Variants in DISC1 observed in about 807,000 individuals in gnomAD.
The protein encoded by DISC1 is disrupted in schizophrenia 1 protein.
In DISC1, 57 loss-of-function variants were observed where a neutral mutation model predicts 84.5. The ratio of observed to expected loss-of-function variants is 0.67; its 90% confidence interval spans 0.55 to 0.84. The LOEUF is 0.84. Ranked by LOEUF, DISC1 falls within the 40% of genes least tolerant of loss-of-function variation. The pLI, the probability that DISC1 is intolerant of heterozygous loss-of-function variation, is 0.00. For missense variants in DISC1, 1,000 were observed against 1,057.8 expected (o/e 0.95, Z 0.76); for synonymous variants, 411 against 415.2 (o/e 0.99, Z 0.12).
chr1:231,932,972 C>T (rs1295934167), intron 9 of DISC1, among the ~76,000 whole-genome samples: 1 of 152,132 alleles, frequency 6.6e-6, no homozygotes, highest in African/African-American at 2.4e-5. Flanking sequence ...ATAAAAACAT[C>T]CAATGTAATC....
At chr1:231,859,915 G>A (rs1342442630) in intron 9 of DISC1, among the ~76,000 whole-genome samples, 2 of 152,164 alleles carry the variant, frequency 1.3e-5, no homozygotes, top group African/African-American at 4.8e-5. Context: ...TCCATGTATT[G>A]TTCCAGCAGT....
intron 3 of DISC1, among the ~76,000 whole-genome samples, chr1:231,749,156 A>G (rs2074328761): frequency 6.6e-6 from 1 of 151,942 alleles, no homozygotes; most frequent in South Asian, 2.1e-4. Flanking sequence ...TCACTCCCCC[A>G]CCGTACTCCA....
chr1:231,899,612 T>C (rs1187719475), intron 9 of DISC1, among the ~76,000 whole-genome samples: 1 of 152,194 alleles, frequency 6.6e-6, no homozygotes, highest in Non-Finnish European at 1.5e-5. Context: ...CCCTTCCCGA[T>C]CAAAGCCTGA....
intron 10 of DISC1, among the ~76,000 whole-genome samples, chr1:231,983,196 C>T (rs1663864951): frequency 1.3e-5 from 2 of 151,982 alleles, no homozygotes; most frequent in African/African-American, 4.8e-5. Context: ...CTTCATCACC[C>T]TCCATGATGC....
At position 231,826,279 on chromosome 1, in the gene DISC1, T is replaced by C. The variant is rs1244432620; in HGVS notation, c.1981+7762T>C. On this transcript the variant is annotated intron_variant, in intron 9 of 12. Coordinates refer to ENST00000439617, the MANE Select transcript of DISC1 (RefSeq NM_018662.3). This position sits in a 1 kb window ranked among gnomAD's most constrained non-coding sequence, Gnocchi z 4.2. ...CCATTTTACCTTTGACGTTGCTTTATGTTCTTTATGAATTTGATTCCTAAC... is the reference window on the plus strand; with the variant it reads ...CCATTTTACCTTTGACGTTGCTTTACGTTCTTTATGAATTTGATTCCTAAC... Among the ~76,000 whole-genome samples, 1 of 152,248 alleles carries C rather than the reference T, an allele frequency of 6.6e-6. No individual in the cohort carries two copies. Among genetic ancestry groups the C allele is most frequent in the Non-Finnish European group, 1.5e-5 (1 of 68,054 alleles).
chr1:231,882,782 A>G (rs1375592108), intron 9 of DISC1, among the ~76,000 whole-genome samples: 1 of 152,094 alleles, frequency 6.6e-6, no homozygotes, highest in Non-Finnish European at 1.5e-5. Context: ...AGCTAGGGCA[A>G]AAGTTTCCTT....
At chr1:231,953,006 A>G (rs1432388698) in intron 9 of DISC1, among the ~76,000 whole-genome samples, 3 of 152,150 alleles carry the variant, frequency 2.0e-5, no homozygotes, top group Non-Finnish European at 4.4e-5. Context: ...TTTTGTAACA[A>G]TGAGCTCTGG....
intron 9 of DISC1, among the ~76,000 whole-genome samples, chr1:231,821,367 T>C (rs913132391): frequency 9.9e-5 from 15 of 152,120 alleles, no homozygotes; most frequent in African/African-American, 3.6e-4. Flanking sequence ...AATACGGTGA[T>C]AGAAAAGGAA....
intron 9 of DISC1, among the ~76,000 whole-genome samples, chr1:231,934,313 T>A (rs2090852174): frequency 1.3e-5 from 2 of 152,176 alleles, no homozygotes; most frequent in South Asian, 4.1e-4. Context: ...CTTTACAATG[T>A]GTGGAAGTCT....
At chr1:231,701,046 A>G (rs2066355047) in intron 2 of DISC1, among the ~76,000 whole-genome samples, 1 of 152,174 alleles carries the variant, frequency 6.6e-6, no homozygotes, top group African/African-American at 2.4e-5. Context: ...GACGTACCCA[A>G]GTCTGGGTAA....
chr1:231,817,903 CAG>C lies in DISC1; in HGVS notation c.1793-425_1793-424del, dbSNP rs748966521. On this transcript the variant is annotated intron_variant, in intron 8 of 12. Coordinates refer to ENST00000439617, the MANE Select transcript of DISC1 (RefSeq NM_018662.3). ...GCTCCAGGTCACACAGTTTGAGTAA[CAG>C]GGGAGGAATTTAATTTAGGTCAACT... Among the ~76,000 whole-genome samples the C allele has an allele frequency of 3.9e-5, 6 of 152,154 alleles. No individual in the cohort carries two copies. In the South Asian group the frequency reaches 6.2e-4, roughly 16 times the overall value.
chr1:231,775,082 G>A (rs1204555591), intron 6 of DISC1, among the ~76,000 whole-genome samples: 1 of 152,176 alleles, frequency 6.6e-6, no homozygotes, highest in Non-Finnish European at 1.5e-5. Context: ...AAGAGAAGTT[G>A]CAGAGACTAG....
intron 4 of DISC1, among the ~76,000 whole-genome samples, chr1:231,754,095 A>G (rs1251309535): frequency 6.6e-6 from 1 of 151,956 alleles, no homozygotes; most frequent in African/African-American, 2.4e-5. Context: ...ACTTTTCCTC[A>G]TCTTCGTGTC....
intron 3 of DISC1, among the ~76,000 whole-genome samples, chr1:231,734,481 GCT>G (rs5781667): frequency 0.71 from 106,196 of 150,234 alleles, 38,445 homozygotes; most frequent in Non-Finnish European, 0.8. Context: ...GGCATCACGT[GCT>G]CTCTCTCTCT....
chr1:231,888,942 T>A (rs1043096033), intron 9 of DISC1, among the ~76,000 whole-genome samples: 1 of 152,056 alleles, frequency 6.6e-6, no homozygotes, highest in Non-Finnish European at 1.5e-5. Flanking sequence ...TGCAGTCCTG[T>A]AGCCCCACAT....
chr1:231,941,829 A>C (rs1260051444), intron 9 of DISC1, among the ~76,000 whole-genome samples: 4 of 152,212 alleles, frequency 2.6e-5, no homozygotes, highest in Non-Finnish European at 5.9e-5. Flanking sequence ...TATAATTGTT[A>C]AAAGGACTGC....
chr1:231,751,903 G>A (rs1352944067), intron 4 of DISC1, among the ~76,000 whole-genome samples: 1 of 152,144 alleles, frequency 6.6e-6, no homozygotes, highest in Admixed American at 6.5e-5. Context: ...GACAATTCTA[G>A]GGGGTAGTAT....
chr1:231,943,064 C>T (rs191895706), intron 9 of DISC1, among the ~76,000 whole-genome samples: 2 of 152,226 alleles, frequency 1.3e-5, no homozygotes, highest in African/African-American at 4.8e-5. Context: ...ACATGTGGGG[C>T]TGGGGCCGTG....
At chr1:231,628,043 A>G (rs144071074) in intron 1 of DISC1, among the ~76,000 whole-genome samples, 12 of 152,124 alleles carry the variant, frequency 7.9e-5, no homozygotes, top group African/African-American at 2.7e-4. Flanking sequence ...TACCCAGTGC[A>G]CTCTCAAAAA....
Sources: allele counts gnomAD v4.1 joint callset (sites outside exome capture counted in the v4.1 genomes callset), GRCh38; gene constraint gnomAD v4.1.1; non-coding constraint Gnocchi (gnomAD v3.1); transcripts MANE v1.5; gene names NCBI Gene and HGNC (gene_info 2026-07-23, HGNC 2026-07-21).